The following ADAM29 variants were observed in gnomAD, a reference collection of about 807,000 sequenced individuals.
ADAM29 encodes ADAM metallopeptidase domain 29, also known as disintegrin and metalloproteinase domain-containing protein 29.
For synonymous variants in ADAM29, 367 were observed against 342.3 expected (o/e 1.07, Z -0.80); for missense variants, 969 against 1,001.8 (o/e 0.97, Z 0.44).
rs1163057949 is a variant in ADAM29, at chr4:174,977,930, C to T, written c.2405C>T (p.Ser802Phe). ...CAGAGTCAACCTCCTGTGACACCCT[C>T]CCAGAGGCAACCTCAGTTGATGCCT... is the stretch of plus-strand genomic sequence containing the variant. The part of the protein sequence containing the change: ...PSQSQPPVTP[S>F]QRQPQLMPSQ... The change falls in exon 5 of 5, where the codon TCC becomes TTC. Residue 802 changes from serine to phenylalanine, a missense_variant. Coordinates refer to ENST00000359240, the MANE Select transcript of ADAM29 (RefSeq NM_014269.4). 1 of 1,578,454 alleles carries T rather than the reference C, an allele frequency of 6.3e-7. No individual in the cohort carries two copies. Among genetic ancestry groups the T allele is most frequent in the Non-Finnish European group, 8.6e-7 (1 of 1,157,024 alleles).
intron 4 of ADAM29, among the ~76,000 whole-genome samples, chr4:174,971,905 C>G (rs1036096241): frequency 6.6e-6 from 1 of 152,258 alleles, no homozygotes; most frequent in Admixed American, 6.5e-5. Flanking sequence ...TTTTACTCTA[C>G]TGACTGAATC....
At chr4:174,962,619 T>G (rs887190825) in intron 4 of ADAM29, among the ~76,000 whole-genome samples, 2 of 151,692 alleles carry the variant, frequency 1.3e-5, no homozygotes, top group Non-Finnish European at 2.9e-5. Context: ...AATGCTAGAG[T>G]GGATTTTAAG....
At position 174,975,754 on chromosome 4, in the gene ADAM29, C is replaced by T. The variant is rs200562536; in HGVS notation, c.229C>T (p.His77Tyr). The T allele has an allele frequency of 1.1e-5, 17 of 1,613,260 alleles. No homozygotes were observed. The East Asian group carries it at 2.9e-4, about 27-fold the overall frequency. ...IKVKKLLFSK[H>Y]LPVFTYTDQG... ...GGTCAAGAAGCTTTTGTTTTCCAAA[C>T]ACCTCCCTGTGTTCACCTACACAGA... is the stretch of plus-strand genomic sequence containing the variant. The change falls in exon 5 of 5, where the codon CAC becomes TAC. Residue 77 changes from histidine to tyrosine, a missense_variant. By Grantham distance (83) the His-to-Tyr change is moderately conservative (BLOSUM62 2). Transcript: ENST00000359240.
chr4:174,938,373 A>C (rs1435049014), intron 4 of ADAM29, among the ~76,000 whole-genome samples: 1 of 152,098 alleles, frequency 6.6e-6, no homozygotes, highest in Non-Finnish European at 1.5e-5. Flanking sequence ...ATGCTACCCT[A>C]AACCAAAATA....
intron 4 of ADAM29, among the ~76,000 whole-genome samples, chr4:174,962,443 C>A (rs2111065663): frequency 1.3e-5 from 2 of 148,170 alleles, no homozygotes; most frequent in South Asian, 4.2e-4. Flanking sequence ...ACCCGGGAAG[C>A]AGAGCTTGCA....
At chr4:174,938,332 G>A (rs1351124208) in intron 4 of ADAM29, among the ~76,000 whole-genome samples, 1 of 152,072 alleles carries the variant, frequency 6.6e-6, no homozygotes, top group Non-Finnish European at 1.5e-5. Flanking sequence ...AATGGAATGG[G>A]AATGTGAAAA....
intron 4 of ADAM29, among the ~76,000 whole-genome samples, chr4:174,963,951 G>A (rs981461602): frequency 6.6e-6 from 1 of 152,136 alleles, no homozygotes. Context: ...TTACAGGCAT[G>A]AGCCACTGTG....
At chr4:174,922,425 A>G (rs1483589734) in intron 2 of ADAM29, among the ~76,000 whole-genome samples, 1 of 152,206 alleles carries the variant, frequency 6.6e-6, no homozygotes, top group Non-Finnish European at 1.5e-5. Flanking sequence ...GAGTCTGCTT[A>G]TTTGGAGCAG....
At chr4:174,953,525 T>A (rs1209864729) in intron 4 of ADAM29, among the ~76,000 whole-genome samples, 1 of 152,152 alleles carries the variant, frequency 6.6e-6, no homozygotes, top group African/African-American at 2.4e-5. Flanking sequence ...GAAACTCACA[T>A]AATATGAAGA....
At chr4:174,960,934 TAAG>T (rs892410658) in intron 4 of ADAM29, among the ~76,000 whole-genome samples, 2 of 152,182 alleles carry the variant, frequency 1.3e-5, no homozygotes, top group Admixed American at 1.3e-4. Flanking sequence ...GTCAGTGTGA[TAAG>T]AACTGTCTCC....
chr4:174,974,163 T>G (rs1293035084), intron 4 of ADAM29, among the ~76,000 whole-genome samples: 2 of 152,204 alleles, frequency 1.3e-5, no homozygotes, highest in Non-Finnish European at 2.9e-5. Context: ...AACACACACA[T>G]GTGTCCTGAC....
chr4:174,941,120 T>C (rs929009880), intron 4 of ADAM29, among the ~76,000 whole-genome samples: 3 of 152,212 alleles, frequency 2.0e-5, no homozygotes, highest in African/African-American at 7.2e-5. Context: ...AAATTAAGGA[T>C]TATAGATGGT....
intron 4 of ADAM29, among the ~76,000 whole-genome samples, chr4:174,955,386 T>C (rs1463751293): frequency 6.6e-6 from 1 of 152,080 alleles, no homozygotes; most frequent in Non-Finnish European, 1.5e-5. Flanking sequence ...CTAGACTCTT[T>C]TAATATTTGA....
chr4:174,976,513 G>A lies in ADAM29; in HGVS notation c.988G>A (p.Val330Met). ...NKTLGTFSIAVAHHLGHNLGM... is the reference protein window; with the variant it reads ...NKTLGTFSIAMAHHLGHNLGM... ...AACTTTGGGCACTTTTTCAATTGCAGTGGCTCATCATCTAGGTCATAATTT... is the reference window on the plus strand; with the variant it reads ...AACTTTGGGCACTTTTTCAATTGCAATGGCTCATCATCTAGGTCATAATTT... Residue 330 changes from valine (V) to methionine (M), a missense_variant, in exon 5 of 5, where the codon GTG becomes ATG. Physicochemically the swap from Val to Met is conservative, Grantham distance 21. Transcript: ENST00000359240. 1 of 1,611,082 alleles carries A rather than the reference G, an allele frequency of 6.2e-7. No homozygotes were observed. The highest frequency in any genetic ancestry group is 1.3e-5 in the African/African-American group (1 of 74,972).
chr4:174,969,425 CT>C (rs935400059), intron 4 of ADAM29, among the ~76,000 whole-genome samples: 13 of 151,686 alleles, frequency 8.6e-5, no homozygotes, highest in African/African-American at 2.9e-4. Context: ...TAAAAAATAT[CT>C]TTTTTTCTGA....
At chr4:174,953,457 A>G (rs938575278) in intron 4 of ADAM29, among the ~76,000 whole-genome samples, 5 of 152,192 alleles carry the variant, frequency 3.3e-5, no homozygotes, top group Admixed American at 1.3e-4. Context: ...AATAGCAGAT[A>G]TTTGTTCAAT....
chr4:174,963,675 A>T (rs903133444), intron 4 of ADAM29, among the ~76,000 whole-genome samples: 1 of 140,944 alleles, frequency 7.1e-6, no homozygotes, highest in African/African-American at 2.7e-5. Context: ...AAGGACAAAT[A>T]GTAAAGGTTT....
At chr4:174,939,469 T>A (rs1404510166) in intron 4 of ADAM29, among the ~76,000 whole-genome samples, 2 of 152,168 alleles carry the variant, frequency 1.3e-5, no homozygotes, top group Non-Finnish European at 2.9e-5. Flanking sequence ...CCCTTTAATA[T>A]TTCAAGTATA....
intron 2 of ADAM29, among the ~76,000 whole-genome samples, chr4:174,927,708 G>T (rs138332766): frequency 2.4e-4 from 37 of 152,204 alleles, no homozygotes; most frequent in African/African-American, 8.7e-4. Context: ...TATATTTATA[G>T]GGCTAGTCTA....
Sources: allele counts gnomAD v4.1 joint callset (sites outside exome capture counted in the v4.1 genomes callset), GRCh38; gene constraint gnomAD v4.1.1; transcripts MANE v1.5; gene names NCBI Gene and HGNC (gene_info 2026-07-23, HGNC 2026-07-21).